CEP57: variants seen among roughly 807,000 people sequenced by gnomAD.
The protein encoded by CEP57 is centrosomal protein 57.
A neutral mutation model predicts 68.0 loss-of-function variants in CEP57; 40 were observed. The observed-to-expected ratio is 0.59, with a 90% CI of 0.46 to 0.77. CEP57 has a LOEUF of 0.77. CEP57 is among the 30% of genes least tolerant of loss of function. The pLI is 0.00. For synonymous variants in CEP57, 219 were observed against 198.7 expected, an observed-to-expected ratio of 1.10 and a Z score of -0.86; for missense variants, 606 against 580.7, an observed-to-expected ratio of 1.04 and a Z score of -0.45.
chr11:95,799,791 C>T (rs1226560875), intron 2 of CEP57, among the ~76,000 whole-genome samples: 1 of 152,132 alleles, frequency 6.6e-6, no homozygotes, highest in African/African-American at 2.4e-5. Context: ...CTGTTTTCTC[C>T]TCCTCATCCC....
In CEP57 at chr11:95,829,219, A is replaced by G; in HGVS notation, c.1160A>G (p.Glu387Gly). Residue 387 changes from glutamate (E) to glycine (G), a missense_variant, in exon 10 of 11, where the codon GAG (glutamate) becomes GGG (glycine). By Grantham distance (98) the Glu-to-Gly change is moderately conservative. Coordinates refer to ENST00000325542, the MANE Select transcript of CEP57 (RefSeq NM_014679.5). ...CAGCAGCTTGCAAAACTTATCCAGG[A>G]GTCGCCAACCGTTGAACTGAAAGAC... ...DHQQLAKLIQ[E>G]SPTVELKDKL... The G allele has an allele frequency of 6.2e-7, 1 of 1,614,058 alleles. No homozygotes were observed. The highest frequency in any genetic ancestry group is 8.5e-7 in the Non-Finnish European group (1 of 1,180,020).
chr11:95,829,265 G>T lies in CEP57; in HGVS notation c.1206G>T (p.Glu402Asp). ...AAGACAAGTTGGAGTGTGAATTGGA[G>T]GCATTAGTGGGAAGGATGGAAGCAA... ...ELKDKLECEL[E>D]ALVGRMEAKA... Residue 402 changes from glutamate (E) to aspartate (D), a missense_variant, in exon 10 of 11, where the codon GAG becomes GAT. Physicochemically the swap from Glu to Asp is conservative, Grantham distance 45. Transcript: ENST00000325542. The T allele has an allele frequency of 6.2e-7, 1 of 1,614,030 alleles. No individual in the cohort carries two copies. The highest frequency in any genetic ancestry group is 8.5e-7 in the Non-Finnish European group (1 of 1,179,992).
intron 6 of CEP57, among the ~76,000 whole-genome samples, chr11:95,820,550 C>CA (rs979940291): frequency 9.9e-5 from 14 of 141,064 alleles, no homozygotes; most frequent in African/African-American, 3.6e-4. Flanking sequence ...GAGATCACAC[C>CA]ACCTGCATTC....
chr11:95,827,712 C>G, intron 8 of CEP57, 74 bp from the exon 9 acceptor site: 4 of 1,583,112 alleles, frequency 2.5e-6, no homozygotes, highest in Non-Finnish European at 2.6e-6. Flanking sequence ...TTCTTTTTAC[C>G]TAGGCTTAGG....
At chr11:95,820,593 A>C (rs1055672649) in intron 6 of CEP57, among the ~76,000 whole-genome samples, 1 of 151,968 alleles carries the variant, frequency 6.6e-6, no homozygotes. Context: ...AAAAAAAAAA[A>C]AAAACAGTGT....
chr11:95,807,553 T>G (rs938925701), intron 2 of CEP57, among the ~76,000 whole-genome samples: 2 of 152,060 alleles, frequency 1.3e-5, no homozygotes, highest in African/African-American at 4.8e-5. Context: ...AACCATGCCA[T>G]GAGAACTACA....
chr11:95,826,252 AT>A (rs1430584838), intron 8 of CEP57: 2 of 152,104 alleles, frequency 1.3e-5, no homozygotes, highest in Non-Finnish European at 2.9e-5. Context: ...TTTTCTTAAT[AT>A]TTTTTTCTAA....
At chr11:95,812,545 C>A (rs981957453) in intron 2 of CEP57, among the ~76,000 whole-genome samples, 1 of 151,938 alleles carries the variant, frequency 6.6e-6, no homozygotes, top group Non-Finnish European at 1.5e-5. Context: ...CGGGTTCAAG[C>A]GATTCTCCTG....
At chr11:95,823,825 A>G (rs1012479174) in intron 8 of CEP57, among the ~76,000 whole-genome samples, 2 of 152,208 alleles carry the variant, frequency 1.3e-5, no homozygotes, top group African/African-American at 4.8e-5. Flanking sequence ...TGTGTATCAC[A>G]GTAAAAAGTG....
intron 4 of CEP57, among the ~76,000 whole-genome samples, chr11:95,816,671 G>T (rs1474242612): frequency 6.6e-6 from 1 of 152,066 alleles, no homozygotes; most frequent in African/African-American, 2.4e-5. Flanking sequence ...TATTAATATG[G>T]TACCTATTGC....
chr11:95,794,323 C>T (rs1861238625), intron 1 of CEP57: 1 of 455,794 alleles, frequency 2.2e-6, no homozygotes, highest in Admixed American at 2.4e-5. Flanking sequence ...GAAAATCGTT[C>T]AGCAAATATA....
intron 1 of CEP57, among the ~76,000 whole-genome samples, 182 bp downstream of exon 1, chr11:95,790,925 C>T (rs1179460640): frequency 1.3e-5 from 2 of 152,248 alleles, no homozygotes; most frequent in Non-Finnish European, 1.5e-5. Flanking sequence ...GCTGCACCCT[C>T]TGGCTCCCAG....
At chr11:95,800,802 G>C (rs965226370) in intron 2 of CEP57, among the ~76,000 whole-genome samples, 2 of 152,312 alleles carry the variant, frequency 1.3e-5, no homozygotes, top group East Asian at 3.9e-4. Context: ...ATAATGAAAA[G>C]ATGGTTTTGA....
chr11:95,811,266 T>C (rs903157047), intron 2 of CEP57, among the ~76,000 whole-genome samples: 3 of 152,132 alleles, frequency 2.0e-5, no homozygotes, highest in African/African-American at 7.2e-5. Flanking sequence ...AAGATTGAGT[T>C]CATGTCCTTT....
chr11:95,813,238 C>A, intron 3 of CEP57, 127 bp downstream of exon 3: 1 of 1,094,442 alleles, frequency 9.1e-7, no homozygotes, highest in Non-Finnish European at 1.3e-6. Flanking sequence ...GCATTGTATT[C>A]TGGTGCATTT....
chr11:95,795,389 C>T, intron 1 of CEP57: 1 of 388,012 alleles, frequency 2.6e-6, no homozygotes, highest in Non-Finnish European at 4.6e-6. Context: ...ATCTATTTTA[C>T]TCAGCAATCT....
intron 6 of CEP57, among the ~76,000 whole-genome samples, chr11:95,819,633 CTTTTAT>C (rs1862439642): frequency 6.6e-6 from 1 of 152,106 alleles, no homozygotes; most frequent in Admixed American, 6.5e-5. Flanking sequence ...CTTCCAGGGT[CTTTTAT>C]TTTTATGATA....
At position 95,803,496 on chromosome 11, in the gene CEP57, G is replaced by A. The variant is rs538522537; in HGVS notation, c.202+4108G>A. Among the ~76,000 whole-genome samples, 4 of 152,178 alleles carry A rather than the reference G, an allele frequency of 2.6e-5. 1 individual carries two copies. The highest frequency in any genetic ancestry group is 7.2e-5 in the African/African-American group (3 of 41,522). On this transcript the variant is annotated intron_variant, in intron 2 of 10. Transcript: ENST00000325542. ...ACTAAAAAGTAGGAAAAGTCAGAAAGGTGGAGAACTACCAAGACAGCAATA... is the reference window on the plus strand; with the variant it reads ...ACTAAAAAGTAGGAAAAGTCAGAAAAGTGGAGAACTACCAAGACAGCAATA...
intron 10 of CEP57, 38 bp downstream of exon 10, chr11:95,829,369 A>G: frequency 6.4e-7 from 1 of 1,571,546 alleles, no homozygotes; most frequent in Non-Finnish European, 8.7e-7. Flanking sequence ...TCTAATGATT[A>G]AGAAAAAAAA....
Sources: allele counts gnomAD v4.1 joint callset (sites outside exome capture counted in the v4.1 genomes callset), GRCh38; gene constraint gnomAD v4.1.1; transcripts MANE v1.5; gene names NCBI Gene and HGNC (gene_info 2026-07-23, HGNC 2026-07-21).